WNK1: variants seen among roughly 807,000 people sequenced by gnomAD.
WNK1 encodes the protein WNK lysine deficient protein kinase 1.
In WNK1, 38 loss-of-function variants were observed where a neutral mutation model predicts 222.8. That is an observed-to-expected ratio of 0.17 (90% CI 0.13 to 0.22). The LOEUF is 0.22. Ranked by LOEUF, WNK1 falls within the 10% of genes least tolerant of loss-of-function variation. WNK1 has a pLI of 1.00. For synonymous variants in WNK1, 1,090 were observed against 1,092.9 expected (o/e 1.00, Z 0.05); for missense variants, 2,348 against 2,918.4 (o/e 0.80, Z 4.50).
intron 1 of WNK1, among the ~76,000 whole-genome samples, chr12:776,032 C>T (rs1352223629): frequency 1.3e-5 from 2 of 152,146 alleles, no homozygotes; most frequent in Non-Finnish European, 2.9e-5. Flanking sequence ...CTCAGGTTGT[C>T]TGTGACCCCA....
At position 861,449 on chromosome 12, in the gene WNK1, A is replaced by T. The variant is rs959530388; in HGVS notation, c.1951+106A>T. The stretch of plus-strand genomic sequence containing the variant: ...TTTTTGGTTTTGAATTATGAATCCT[A>T]CTATTATACAAAATTTGAAATGGTT... On this transcript the variant is annotated intron_variant, in intron 7 of 27. Transcript: ENST00000315939. The T allele has an allele frequency of 3.0e-6, 3 of 1,009,806 alleles. No homozygotes were observed. The African/African-American group carries it at 4.9e-5, about 16-fold the overall frequency. 62.6% of individuals were successfully genotyped at this position (1,009,806 alleles called of 1,614,324 possible). A position where few individuals can be genotyped will look rare whatever the true frequency, so the allele number is the denominator to read the frequency against.
At chr12:855,997 G>A (rs1376071712) in intron 4 of WNK1, among the ~76,000 whole-genome samples, 2 of 151,558 alleles carry the variant, frequency 1.3e-5, no homozygotes, top group Admixed American at 6.6e-5. Flanking sequence ...GCGCCACCAC[G>A]CCCATCTAAT....
intron 4 of WNK1, among the ~76,000 whole-genome samples, chr12:831,087 GTT>G (rs1157583582): frequency 6.6e-6 from 1 of 152,174 alleles, no homozygotes; most frequent in East Asian, 1.9e-4. Flanking sequence ...GTAAGGAGAA[GTT>G]TACCTTAAAA....
intron 1 of WNK1, among the ~76,000 whole-genome samples, chr12:755,987 A>C (rs766037610): frequency 2.0e-5 from 3 of 152,200 alleles, no homozygotes; most frequent in Non-Finnish European, 4.4e-5. Flanking sequence ...AACAAACAAA[A>C]ACAACAACAA....
chr12:814,919 G>A (rs1947221731), intron 2 of WNK1, among the ~76,000 whole-genome samples: 1 of 152,206 alleles, frequency 6.6e-6, no homozygotes, highest in Non-Finnish European at 1.5e-5. Flanking sequence ...ATCTGGGGGT[G>A]ATGGGAGACA....
intron 11 of WNK1, 63 bp downstream of exon 11, chr12:880,094 A>G (rs1294037438): frequency 1.3e-6 from 2 of 1,488,590 alleles, no homozygotes; most frequent in African/African-American, 1.4e-5. Flanking sequence ...CATCAGGAAC[A>G]TGGAAATCTA....
At position 900,574 on chromosome 12, in the gene WNK1, C is replaced by A. The variant is rs751969478; in HGVS notation, c.6547C>A (p.Gln2183Lys). ...IPESGQNQLL[Q>K]PLKPSPSSDN... ...AGAGTCCGGGCAGAATCAGCTGTTA[C>A]AGCCCCTTAAGCCATCTCCCTCCAG... Residue 2183 changes from glutamine (Q) to lysine (K), a missense_variant, in exon 26 of 28, where the codon CAG becomes AAG. This residue lies in a region of WNK1 where 1,144 missense variants were observed against 1,273.6 expected (regional missense o/e 0.90). Coordinates refer to ENST00000315939, the MANE Select transcript of WNK1 (RefSeq NM_018979.4). 3.1e-6 allele frequency: 5 copies of A among 1,614,136 alleles called. No homozygotes were observed. In the East Asian group the frequency reaches 6.7e-5, roughly 22 times the overall value.
Position 810,362 on chromosome 12 carries a change from A to G in WNK1, c.760-3280A>G, listed in dbSNP as rs1430614206. 2.6e-5 allele frequency among the ~76,000 whole-genome samples: 4 copies of G among 152,166 alleles called. No individual in the cohort carries two copies. The East Asian group carries it at 7.7e-4, about 29-fold the overall frequency. On this transcript the variant is annotated intron_variant, in intron 1 of 27. Transcript: ENST00000315939. The stretch of plus-strand genomic sequence containing the variant: ...AAAATATTTTAATCAAGAATTCCAG[A>G]CACTTTTCTCCACCCATATTTTGAT...
intron 1 of WNK1, among the ~76,000 whole-genome samples, chr12:762,918 G>A (rs768877436): frequency 3.4e-5 from 5 of 146,062 alleles, no homozygotes; most frequent in Non-Finnish European, 7.7e-5. Context: ...AGCTAATTTT[G>A]TATTTTTAGT....
rs533019596 is a variant in WNK1, at chr12:900,792, A to T, written c.6643+122A>T. The T allele has an allele frequency of 6.7e-6, 8 of 1,199,898 alleles. No individual in the cohort carries two copies. In the African/African-American group the frequency reaches 1.2e-4, roughly 18 times the overall value. The allele number at this position is 1,199,898 out of a possible 1,614,324, so 74.3% of individuals were successfully genotyped here. On this transcript the variant is annotated intron_variant, in intron 26 of 27. Coordinates refer to ENST00000315939, the MANE Select transcript of WNK1 (RefSeq NM_018979.4). Reference sequence around the variant, plus strand: ...CCAGAACACAGCCTGTGTGTTGTACACTGAAGAATCTGGGTGAAAAGGGAA... The same window carrying T: ...CCAGAACACAGCCTGTGTGTTGTACTCTGAAGAATCTGGGTGAAAAGGGAA...
At chr12:815,800 T>C (rs954489552) in intron 2 of WNK1, among the ~76,000 whole-genome samples, 1 of 152,228 alleles carries the variant, frequency 6.6e-6, no homozygotes, top group African/African-American at 2.4e-5. Flanking sequence ...TTTTAAAAAC[T>C]ATATTGAGGA....
rs546853499 is a variant in WNK1 at position 849,570 on chromosome 12, A to AT, written c.1312-7582dup. Among the ~76,000 whole-genome samples, 775 of 151,568 alleles carry AT rather than the reference A, an allele frequency of 5.1e-3. 7 individuals are homozygous for AT. The highest frequency in any genetic ancestry group is 0.016 in the African/African-American group (678 of 41,352). ...CCACTTGTGTACATAAATACTGTTG[A>AT]TTTTTTTTTATTATACCTTAAGTTT... On this transcript the variant is annotated intron_variant, in intron 4 of 27. Transcript: ENST00000315939.
chr12:881,940 G>A lies in WNK1; in HGVS notation c.3239G>A (p.Ser1080Asn), dbSNP rs1469151944. 3.1e-6 allele frequency: 5 copies of A among 1,614,014 alleles called. No homozygotes were observed. The highest frequency in any genetic ancestry group is 2.2e-5 in the South Asian group (2 of 91,082). ...CATTCAGATGTTGCTTCAGGTATGA[G>A]TGATGGCAATGAGAACGTCCCATCT... ...SAHSDVASGM[S>N]DGNENVPSSS... Residue 1080 changes from serine (S) to asparagine (N), a missense_variant, in exon 14 of 28, where the codon AGT becomes AAT. Ser to Asn is a conservative substitution (Grantham distance 46). Transcript: ENST00000315939.
intron 1 of WNK1, among the ~76,000 whole-genome samples, chr12:774,657 C>A (rs1942904200): frequency 6.6e-6 from 1 of 152,172 alleles, no homozygotes; most frequent in Non-Finnish European, 1.5e-5. Flanking sequence ...ACTTTCTATT[C>A]ATTGTAAGAT....
chr12:774,492 T>C (rs1363994990), intron 1 of WNK1, among the ~76,000 whole-genome samples: 1 of 152,180 alleles, frequency 6.6e-6, no homozygotes, highest in Admixed American at 6.5e-5. Flanking sequence ...CCACAAGGGC[T>C]TGGAATAGGA....
intron 23 of WNK1, 85 bp from the exon 24 acceptor site, chr12:895,986 A>G: frequency 1.3e-6 from 2 of 1,560,540 alleles, no homozygotes; most frequent in Non-Finnish European, 1.8e-6. Context: ...AAATAAAGTG[A>G]TTCTTTTTTT....
chr12:834,275 C>T (rs1455377384), intron 4 of WNK1, among the ~76,000 whole-genome samples: 1 of 152,156 alleles, frequency 6.6e-6, no homozygotes, highest in Non-Finnish European at 1.5e-5. Context: ...CTCCTGCTCC[C>T]AAATCCTGTC....
chr12:884,111 T>C lies in WNK1; in HGVS notation c.3722-10T>C. The C allele has an allele frequency of 6.2e-7, 1 of 1,614,142 alleles. No individual in the cohort carries two copies. Among genetic ancestry groups the C allele is most frequent in the South Asian group, 1.1e-5 (1 of 91,076 alleles). ...TATTAAGTTACGTTTGTTTGTTTGT[T>C]TTTGACCAGGCATTCCTACCAGTTC... On this transcript the variant is annotated splice_polypyrimidine_tract_variant and intron_variant, in intron 17 of 27. Transcript: ENST00000315939. This position sits in a 1 kb window ranked among gnomAD's most constrained non-coding sequence, Gnocchi z 5.6.
At chr12:886,140 A>G in intron 19 of WNK1, 56 bp downstream of exon 19, 1 of 1,428,310 alleles carries the variant, frequency 7.0e-7, no homozygotes, top group Non-Finnish European at 9.5e-7. Context: ...TTTTCTCCCT[A>G]ATGAGTACAT....
Sources: gnomAD v4.1 joint callset for allele counts (sites outside exome capture counted in the v4.1 genomes callset) on GRCh38, gnomAD v4.1.1 for gene constraint, gnomAD v4.1.1 regional missense constraint, Gnocchi (gnomAD v3.1) non-coding constraint, MANE v1.5 for transcripts, NCBI Gene and HGNC (gene_info 2026-07-23, HGNC 2026-07-21) for gene names.